Variants in MGAT5B observed in about 807,000 individuals in gnomAD.
MGAT5B encodes N-acetylglucosaminyl-transferase Vb.
Under a neutral mutation model 95.1 loss-of-function variants are expected in MGAT5B, and 54 were observed. The observed-to-expected ratio is 0.57, with a 90% CI of 0.46 to 0.71. MGAT5B has a LOEUF of 0.71. Ranked by LOEUF, MGAT5B falls within the 30% of genes least tolerant of loss-of-function variation. MGAT5B has a pLI of 0.00. For synonymous variants in MGAT5B, 464 were observed against 451.0 expected, an observed-to-expected ratio of 1.03 and a Z score of -0.36; for missense variants, 935 against 1,088.6, an observed-to-expected ratio of 0.86 and a Z score of 1.99.
At chr17:76,873,042 C>T (rs543032261) in intron 2 of MGAT5B, 79 bp downstream of exon 2, 42 of 1,524,618 alleles carry the variant, frequency 2.8e-5, no homozygotes, top group Non-Finnish European at 3.7e-5. Flanking sequence ...TGAGCCTAGC[C>T]CTGTACCTGG....
Position 76,905,648 on chromosome 17 carries a change from C to T in MGAT5B, c.855+315C>T, listed in dbSNP as rs538437349. Among the ~76,000 whole-genome samples, 7 of 152,262 alleles carry T rather than the reference C, an allele frequency of 4.6e-5. No individual in the cohort carries two copies. The highest frequency in any genetic ancestry group is 8.8e-5 in the Non-Finnish European group (6 of 67,994). On this transcript the variant is annotated intron_variant, in intron 7 of 17. Transcript: ENST00000569840. The surrounding 1 kb of genome is among the most constrained non-coding windows in gnomAD (Gnocchi z 4.2). Reference sequence around the variant, plus strand: ...TCTGGGGAGCTTCGTTAGCTCATGCCTCCATTCTTCCTTCCCTCCTTCCTT... The same window carrying T: ...TCTGGGGAGCTTCGTTAGCTCATGCTTCCATTCTTCCTTCCCTCCTTCCTT...
intron 2 of MGAT5B, among the ~76,000 whole-genome samples, chr17:76,881,905 C>T (rs1035664059): frequency 6.6e-6 from 1 of 152,260 alleles, no homozygotes; most frequent in African/African-American, 2.4e-5. Context: ...CCCAATGTCA[C>T]ATGGCTAGTG....
rs760365459 is a variant in MGAT5B at position 76,905,308 on chromosome 17, G to A, written c.830G>A (p.Gly277Glu). 6.3e-7 allele frequency: 1 copy of A among 1,599,458 alleles called. No individual in the cohort carries two copies. The highest frequency in any genetic ancestry group is 1.1e-5 in the South Asian group (1 of 90,498). Reference sequence around the variant, plus strand: ...GCCCAGCGCCTGGCACAGAAGCTGGGGGCCACCCAGAGGGACCAGAAGCAG... The same window carrying A: ...GCCCAGCGCCTGGCACAGAAGCTGGAGGCCACCCAGAGGGACCAGAAGCAG... ...LAAQRLAQKL[G>E]ATQRDQKQIL... Residue 277 changes from glycine (G) to glutamate (E), a missense_variant, in exon 7 of 18, where the codon GGG becomes GAG. Gly to Glu is a moderately conservative substitution (Grantham distance 98). This residue lies in a region of MGAT5B where 243 missense variants were observed against 305.5 expected (regional missense o/e 0.80). Transcript: ENST00000569840. The surrounding 1 kb of genome is among the most constrained non-coding windows in gnomAD (Gnocchi z 4.2).
rs140485620 is a variant in MGAT5B, at chr17:76,947,872, G to A, written c.1966G>A (p.Ala656Thr). The change falls in exon 17 of 18, where the codon GCC becomes ACC. Residue 656 changes from alanine to threonine, a missense_variant. By Grantham distance (58) the Ala-to-Thr change is moderately conservative. Transcript: ENST00000569840. ...APDPALPEAH[A>T]PQSPFVLAPN... ...AGACCCTGCCCTACCAGAGGCCCAC[G>A]CCCCGCAGAGCCCCTTTGTCCTGGC... is the stretch of plus-strand genomic sequence containing the variant. 2.4e-5 allele frequency: 38 copies of A among 1,597,754 alleles called. No individual in the cohort carries two copies. The highest frequency in any genetic ancestry group is 6.6e-5 in the South Asian group (6 of 90,286).
chr17:76,947,973 G>A lies in MGAT5B; in HGVS notation c.2067G>A (p.Leu689=), dbSNP rs1381457474. The A allele has an allele frequency of 6.2e-7, 1 of 1,612,248 alleles. No homozygotes were observed. Among genetic ancestry groups the A allele is most frequent in the Admixed American group, 1.7e-5 (1 of 59,898 alleles). ...GGGCCTGGCCCCCCGCGCACGCCCT[G>A]CGGGCCTGGCTGGCCGTGCCTGGGA... ...APGAWPPAHA[L]RAWLAVPGRA... Residue 689 remains leucine, a synonymous_variant, in exon 17 of 18, where the codon CTG becomes CTA. Coordinates refer to ENST00000569840, the MANE Select transcript of MGAT5B (RefSeq NM_001199172.2).
intron 12 of MGAT5B, among the ~76,000 whole-genome samples, chr17:76,936,851 A>G (rs1392033017): frequency 6.6e-6 from 1 of 152,232 alleles, no homozygotes; most frequent in East Asian, 1.9e-4. Context: ...TAGCTTTATA[A>G]GAAGTCTTGA....
intron 3 of MGAT5B, among the ~76,000 whole-genome samples, chr17:76,897,933 G>A (rs986992976): frequency 2.0e-5 from 3 of 151,536 alleles, no homozygotes; most frequent in African/African-American, 7.3e-5. Context: ...GCACATGCCT[G>A]TAATCCCAGC....
At chr17:76,899,162 C>G (rs1968210212) in intron 3 of MGAT5B, among the ~76,000 whole-genome samples, 1 of 152,214 alleles carries the variant, frequency 6.6e-6, no homozygotes, top group Non-Finnish European at 1.5e-5. Flanking sequence ...TGGCAGGACC[C>G]CTGGCTTGGC....
intron 4 of MGAT5B, 68 bp downstream of exon 4, chr17:76,902,738 C>T: frequency 1.6e-6 from 1 of 633,492 alleles, no homozygotes; most frequent in Non-Finnish European, 2.8e-6. Context: ...TGGGTGGGCC[C>T]TGGGAGGGTG....
chr17:76,947,198 CCA>C (rs954750775), intron 16 of MGAT5B, among the ~76,000 whole-genome samples: 1 of 152,222 alleles, frequency 6.6e-6, no homozygotes, highest in Non-Finnish European at 1.5e-5. Context: ...TAAGAAATTT[CCA>C]CAGATAGTAC....
chr17:76,884,381 G>A (rs949399609), intron 3 of MGAT5B, among the ~76,000 whole-genome samples: 2 of 152,146 alleles, frequency 1.3e-5, no homozygotes, highest in African/African-American at 2.4e-5. Context: ...GATTCAATAT[G>A]TGGTTATATG....
rs1016605657 is a variant in MGAT5B at position 76,950,320 on chromosome 17, T to C, written c.*1482T>C. ...GGGGAAAGCAATAGAGACACTCTTT[T>C]TCTCTCTTTTTTTTAAAGATTTATT... On this transcript the variant is annotated 3_prime_UTR_variant, in exon 18 of 18. Transcript: ENST00000569840. 1 of 65,990 alleles carries C rather than the reference T, an allele frequency of 1.5e-5. No individual in the cohort carries two copies. Among genetic ancestry groups the C allele is most frequent in the Non-Finnish European group, 3.4e-5 (1 of 29,768 alleles). The allele number at this position is 65,990 out of a possible 1,614,324, so 4.1% of individuals were successfully genotyped here.
intron 2 of MGAT5B, among the ~76,000 whole-genome samples, chr17:76,881,310 G>T (rs1401014948): frequency 6.6e-6 from 1 of 152,200 alleles, no homozygotes; most frequent in Non-Finnish European, 1.5e-5. Context: ...TCCCCAGGCT[G>T]GGAGCAGAGG....
chr17:76,933,966 C>T (rs1368247159), intron 12 of MGAT5B, among the ~76,000 whole-genome samples: 4 of 152,086 alleles, frequency 2.6e-5, no homozygotes, highest in Non-Finnish European at 4.4e-5. Context: ...AGGAGCAGAG[C>T]GGGACACCAC....
At chr17:76,887,290 T>C (rs1967669804) in intron 3 of MGAT5B, among the ~76,000 whole-genome samples, 1 of 152,084 alleles carries the variant, frequency 6.6e-6, no homozygotes, top group South Asian at 2.1e-4. Flanking sequence ...CAGTCACCCC[T>C]GGCTCTTCTC....
At position 76,948,910 on chromosome 17, in the gene MGAT5B, C is replaced by T. The variant is rs535084596; in HGVS notation, c.*72C>T. 15 of 1,459,470 alleles carry T rather than the reference C, an allele frequency of 1.0e-5. No individual in the cohort carries two copies. The South Asian group carries it at 1.6e-4, about 15-fold the overall frequency. The allele number at this position is 1,459,470 out of a possible 1,614,324, so 90.4% of individuals were successfully genotyped here. On this transcript the variant is annotated 3_prime_UTR_variant, in exon 18 of 18. Coordinates refer to ENST00000569840, the MANE Select transcript of MGAT5B (RefSeq NM_001199172.2). ...CCGCGGGAGAAAGCACCAGCAGGTTCTGAGCCCTGGCTGCTTGTCCTCCTC... is the reference window on the plus strand; with the variant it reads ...CCGCGGGAGAAAGCACCAGCAGGTTTTGAGCCCTGGCTGCTTGTCCTCCTC...
intron 2 of MGAT5B, among the ~76,000 whole-genome samples, 176 bp from the exon 3 acceptor site, chr17:76,881,975 G>T (rs1261880964): frequency 6.6e-6 from 1 of 152,256 alleles, no homozygotes; most frequent in Non-Finnish European, 1.5e-5. Context: ...GCACCGCAAA[G>T]CAATGCAGCA....
chr17:76,920,882 A>G (rs1969105006), intron 8 of MGAT5B, among the ~76,000 whole-genome samples: 1 of 152,176 alleles, frequency 6.6e-6, no homozygotes, highest in Admixed American at 6.5e-5. Context: ...CATTGAAACC[A>G]GTTCTTCTCA....
chr17:76,873,594 G>C (rs1967080733), intron 2 of MGAT5B, among the ~76,000 whole-genome samples: 1 of 152,220 alleles, frequency 6.6e-6, no homozygotes, highest in Non-Finnish European at 1.5e-5. Flanking sequence ...GATTGAAGGG[G>C]CTCACACGTG....
Sources: gnomAD v4.1 joint callset for allele counts (sites outside exome capture counted in the v4.1 genomes callset) on GRCh38, gnomAD v4.1.1 for gene constraint, gnomAD v4.1.1 regional missense constraint, Gnocchi (gnomAD v3.1) non-coding constraint, MANE v1.5 for transcripts, NCBI Gene and HGNC (gene_info 2026-07-23, HGNC 2026-07-21) for gene names.